The following YLPM1 variants were observed in gnomAD, a reference collection of about 807,000 sequenced individuals.
YLPM1 encodes the protein YLP motif-containing protein 1.
In YLPM1, 99 loss-of-function variants were observed where a neutral mutation model predicts 230.0. The observed-to-expected ratio is 0.43, with a 90% CI of 0.37 to 0.51. The LOEUF (loss-of-function observed/expected upper bound fraction) is 0.51, where lower values mean the gene tolerates loss of function less well. Among genes scored for constraint, YLPM1 ranks in the 20% least tolerant of loss-of-function variants. YLPM1 has a pLI of 0.00. For missense variants in YLPM1, 2,592 were observed against 2,707.7 expected, an observed-to-expected ratio of 0.96 and a Z score of 0.95; for synonymous variants, 984 against 942.5, an observed-to-expected ratio of 1.04 and a Z score of -0.81.
At position 74,792,124 on chromosome 14, in the gene YLPM1, A is replaced by G. The variant is rs1304395958; in HGVS notation, c.2283-5456A>G. ...ACACCTTCACAAGCCCTAAAGCGGC[A>G]TACTTTTTTTTCCTTCTGTAAATAT... On this transcript the variant is annotated intron_variant, in intron 4 of 20. Coordinates refer to ENST00000325680, the MANE Select transcript of YLPM1 (RefSeq NM_019589.3). Among the ~76,000 whole-genome samples, 5 of 152,264 alleles carry G rather than the reference A, an allele frequency of 3.3e-5. No individual in the cohort carries two copies. In the East Asian group the frequency reaches 7.7e-4, roughly 23 times the overall value.
Position 74,835,831 on chromosome 14 carries a change from A to G in YLPM1, c.*93A>G, listed in dbSNP as rs990702657. On this transcript the variant is annotated 3_prime_UTR_variant, in exon 21 of 21. Transcript: ENST00000325680. ...GCCTCGCGGAGCTTCTTTGTGTGTC[A>G]CCTTGCTTCCACGTTTCAGTTCTTG... 2 of 456,450 alleles carry G rather than the reference A, an allele frequency of 4.4e-6. No individual in the cohort carries two copies. Among genetic ancestry groups the G allele is most frequent in the African/African-American group, 4.0e-5 (2 of 49,938 alleles). The allele number at this position is 456,450 out of a possible 1,614,324, so 28.3% of individuals were successfully genotyped here. A position where few individuals can be genotyped will look rare whatever the true frequency, so the allele number is the denominator to read the frequency against.
At chr14:74,802,235 A>T (rs2091334405) in intron 5 of YLPM1, among the ~76,000 whole-genome samples, 3 of 151,588 alleles carry the variant, frequency 2.0e-5, no homozygotes, top group Admixed American at 6.6e-5. Flanking sequence ...AAAAAAAAAA[A>T]ATAGCAAGAG....
rs368741456 is a variant in YLPM1 at position 74,798,064 on chromosome 14, A to G, written c.2767A>G (p.Asn923Asp). Residue 923 changes from asparagine to aspartate, a missense_variant, in exon 5 of 21, where the codon AAT (asparagine) becomes GAT (aspartate). Coordinates refer to ENST00000325680, the MANE Select transcript of YLPM1 (RefSeq NM_019589.3). ...EVSEGPVEPSNWDQNVQSMET... is the reference protein window; with the variant it reads ...EVSEGPVEPSDWDQNVQSMET... ...CTCGGAAGGGCCCGTAGAGCCCTCT[A>G]ATTGGGACCAGAATGTTCAAAGTAT... 98 of 1,613,852 alleles carry G rather than the reference A, an allele frequency of 6.1e-5. 1 individual carries two copies. In the Middle Eastern group the frequency reaches 6.6e-4, roughly 11 times the overall value.
intron 7 of YLPM1, 38 bp downstream of exon 7, chr14:74,809,835 A>C: frequency 6.2e-7 from 1 of 1,610,064 alleles, no homozygotes; most frequent in Non-Finnish European, 8.5e-7. Flanking sequence ...GGGATTCTAC[A>C]GGAATTGTTA....
Position 74,797,992 on chromosome 14 carries a change from A to G in YLPM1, c.2695A>G (p.Asn899Asp), listed in dbSNP as rs1386840216. 6 of 1,613,826 alleles carry G rather than the reference A, an allele frequency of 3.7e-6. No individual in the cohort carries two copies. The East Asian group carries it at 1.3e-4, about 36-fold the overall frequency. ...AAAGGATGTCAAGGCGGCTCAGTCA[A>G]ATGAGAATCTAAGCGACTCTCAACA... ...DVKDVKAAQS[N>D]ENLSDSQQEP... Residue 899 changes from asparagine (N) to aspartate (D), a missense_variant, in exon 5 of 21, where the codon AAT becomes GAT. By Grantham distance (23) the Asn-to-Asp change is conservative. Around this residue, in one of 4 missense-constraint regions of YLPM1, gnomAD observed 1,862 missense variants for 1,819.8 expected, o/e 1.02. Transcript: ENST00000325680.
At position 74,797,943 on chromosome 14, in the gene YLPM1, T is replaced by A; in HGVS notation, c.2646T>A (p.Ala882=). ...AGAAGAATTTTAAAATGCAATCAGC[T>A]GCATTTTCCATTGCTGCAGATGTAA... ...NQQKNFKMQS[A]AFSIAADVKD... is the part of the protein sequence containing the mutation. Residue 882 remains alanine (A), a synonymous_variant, in exon 5 of 21, where the codon GCT becomes GCA. Transcript: ENST00000325680. 1 of 1,613,942 alleles carries A rather than the reference T, an allele frequency of 6.2e-7. No homozygotes were observed. The highest frequency in any genetic ancestry group is 8.5e-7 in the Non-Finnish European group (1 of 1,179,886).
intron 6 of YLPM1, among the ~76,000 whole-genome samples, chr14:74,804,939 A>C (rs1006852578): frequency 1.3e-5 from 2 of 151,884 alleles, no homozygotes; most frequent in African/African-American, 2.4e-5. Flanking sequence ...ATTTGTTTCT[A>C]ATCTTTCACT....
At chr14:74,810,125 T>A (rs1444320366) in intron 8 of YLPM1, 100 bp from the exon 9 acceptor site, 19 of 1,486,720 alleles carry the variant, frequency 1.3e-5, no homozygotes, top group Middle Eastern at 1.9e-4. Flanking sequence ...TAGTTGAATT[T>A]ATGGCAAAAA....
chr14:74,780,592 C>G lies in YLPM1; in HGVS notation c.1290+8C>G. On this transcript the variant is annotated splice_region_variant and intron_variant, in intron 3 of 20. Coordinates refer to ENST00000325680, the MANE Select transcript of YLPM1 (RefSeq NM_019589.3). ...CCCCCACCACATATACAGGCAAGTG[C>G]TTCCATAGTCCACAATAGGAAGTTG... is the stretch of plus-strand genomic sequence containing the variant. The G allele has an allele frequency of 6.3e-7, 1 of 1,598,362 alleles. No individual in the cohort carries two copies. The highest frequency in any genetic ancestry group is 8.6e-7 in the Non-Finnish European group (1 of 1,169,578).
chr14:74,763,811 C>T lies in YLPM1; in HGVS notation c.322C>T (p.Pro108Ser), dbSNP rs1240733407. ...CTGGCAGCCGCCACCGCCACCGATG[C>T]CCCCGCCACCCGGGCCGGCCCTCAG... is the stretch of plus-strand genomic sequence containing the variant. ...GDWQPPPPPM[P>S]PPPGPALSYQ... Residue 108 changes from proline to serine, a missense_variant, in exon 1 of 21, where the codon CCC becomes TCC. Physicochemically the swap from Pro to Ser is moderately conservative, Grantham distance 74. Transcript: ENST00000325680. The T allele has an allele frequency of 4.6e-6, 7 of 1,509,514 alleles. No individual in the cohort carries two copies. Among genetic ancestry groups the T allele is most frequent in the Non-Finnish European group, 6.2e-6 (7 of 1,128,950 alleles). The allele number at this position is 1,509,514 out of a possible 1,614,324, so 93.5% of individuals were successfully genotyped here.
chr14:74,801,818 G>A (rs2091328918), intron 5 of YLPM1, among the ~76,000 whole-genome samples: 1 of 152,160 alleles, frequency 6.6e-6, no homozygotes, highest in South Asian at 2.1e-4. Flanking sequence ...AAATATGACA[G>A]CTAATTTCAA....
chr14:74,797,077 T>C (rs895270934), intron 4 of YLPM1, among the ~76,000 whole-genome samples: 28 of 149,952 alleles, frequency 1.9e-4, no homozygotes, highest in African/African-American at 6.8e-4. Flanking sequence ...GTTCAAGTGA[T>C]TCTCCTGCCT....
At chr14:74,778,794 A>G (rs2091066508) in intron 2 of YLPM1, 111 bp downstream of exon 2, 16 of 830,070 alleles carry the variant, frequency 1.9e-5, no homozygotes, top group Admixed American at 3.0e-5. Flanking sequence ...TTAGGTACCT[A>G]TAAAGTTGCA....
At position 74,781,619 on chromosome 14, in the gene YLPM1, A is replaced by C. The variant is rs1263258284; in HGVS notation, c.1576A>C (p.Met526Leu). Reference protein sequence around the residue: ...MPPPFVPYSQMPPPLPTMPPP... With the variant: ...MPPPFVPYSQLPPPLPTMPPP... Reference sequence around the variant, plus strand: ...ACCTCCTTTTGTTCCATATTCTCAGATGCCTCCACCTCTACCTACAATGCC... The same window carrying C: ...ACCTCCTTTTGTTCCATATTCTCAGCTGCCTCCACCTCTACCTACAATGCC... Residue 526 changes from methionine to leucine, a missense_variant, in exon 4 of 21, where the codon ATG becomes CTG. This residue lies in a region of YLPM1 where 1,862 missense variants were observed against 1,819.8 expected (regional missense o/e 1.02). Transcript: ENST00000325680. 2 of 1,613,916 alleles carry C rather than the reference A, an allele frequency of 1.2e-6. No individual in the cohort carries two copies. The highest frequency in any genetic ancestry group is 3.3e-5 in the Admixed American group (2 of 60,006).
rs768947105 is a variant in YLPM1, at chr14:74,817,116, T to G, written c.5862+9T>G. 6.3e-7 allele frequency: 1 copy of G among 1,598,690 alleles called. No individual in the cohort carries two copies. Reference sequence around the variant, plus strand: ...AAACCAAGGGATTTGAGGTAGAAGCTTAAAGAACTTTAAAGTACTTTGTGT... The same window carrying G: ...AAACCAAGGGATTTGAGGTAGAAGCGTAAAGAACTTTAAAGTACTTTGTGT... On this transcript the variant is annotated intron_variant, in intron 14 of 20. Transcript: ENST00000325680.
At position 74,835,965 on chromosome 14, in the gene YLPM1, G is replaced by A. The variant is rs2091640816; in HGVS notation, c.*227G>A. The A allele has an allele frequency of 2.2e-6, 1 of 446,492 alleles. No homozygotes were observed. Among genetic ancestry groups the A allele is most frequent in the Non-Finnish European group, 4.5e-6 (1 of 223,484 alleles). The allele number at this position is 446,492 out of a possible 1,614,324, so 27.7% of individuals were successfully genotyped here. ...GTTAATTTTTCTTTTAACTGTTTTG[G>A]GGAGGGAGGGAGTGATAGCTTAACT... On this transcript the variant is annotated 3_prime_UTR_variant, in exon 21 of 21. Coordinates refer to ENST00000325680, the MANE Select transcript of YLPM1 (RefSeq NM_019589.3).
chr14:74,777,841 G>A (rs1263183594), intron 1 of YLPM1, among the ~76,000 whole-genome samples: 1 of 152,066 alleles, frequency 6.6e-6, no homozygotes, highest in Admixed American at 6.5e-5. Context: ...TGGGCGTGAT[G>A]GTGCATGCCT....
In YLPM1 at chr14:74,826,598, T is replaced by A. The variant is rs953939031; in HGVS notation, c.6163+2291T>A. On this transcript the variant is annotated intron_variant, in intron 18 of 20. Coordinates refer to ENST00000325680, the MANE Select transcript of YLPM1 (RefSeq NM_019589.3). ...TTTGAAGCAGCTGGTTAGAGCTTAT[T>A]GCAGATTCTTGGTCTATGCTCATTA... 3.3e-5 allele frequency among the ~76,000 whole-genome samples: 5 copies of A among 152,246 alleles called. No homozygotes were observed. The South Asian group carries it at 1.0e-3, about 31-fold the overall frequency.
intron 18 of YLPM1, chr14:74,827,610 T>G (rs929854885): frequency 6.1e-6 from 6 of 985,318 alleles, no homozygotes; most frequent in Non-Finnish European, 7.2e-6. Context: ...TGCTCTGTTG[T>G]TGGAACTGAA....
Sources: gnomAD v4.1 joint callset for allele counts (sites outside exome capture counted in the v4.1 genomes callset) on GRCh38, gnomAD v4.1.1 for gene constraint, gnomAD v4.1.1 regional missense constraint, MANE v1.5 for transcripts, NCBI Gene and HGNC (gene_info 2026-07-23, HGNC 2026-07-21) for gene names.